Variants in CYRIB observed in about 807,000 individuals in gnomAD.
The protein encoded by CYRIB is CYFIP-related Rac1 interactor B.
Under a neutral mutation model 44.2 loss-of-function variants are expected in CYRIB, and 8 were observed. The observed-to-expected ratio is 0.18, with a 90% CI of 0.11 to 0.33. The LOEUF (loss-of-function observed/expected upper bound fraction) is 0.33, where lower values mean the gene tolerates loss of function less well. Among genes scored for constraint, CYRIB ranks in the 10% least tolerant of loss-of-function variants. The probability of loss-of-function intolerance (pLI) is 1.00; values close to 1 mark genes in which losing one functional copy is unlikely to be tolerated. For synonymous variants in CYRIB, 131 were observed against 127.2 expected (o/e 1.03, Z -0.20); for missense variants, 185 against 382.8 (o/e 0.48, Z 4.31).
intron 2 of CYRIB, among the ~76,000 whole-genome samples, chr8:129,967,350 GGTTTTGTTTT>G (rs371763669): frequency 1.3e-5 from 2 of 151,148 alleles, no homozygotes; most frequent in Admixed American, 6.6e-5. Flanking sequence ...TCTTTTCTTT[GGTTTTGTTTT>G]GTTTTGTTTT....
At chr8:130,006,482 T>C (rs1042449339) in intron 1 of CYRIB, among the ~76,000 whole-genome samples, 5 of 140,100 alleles carry the variant, frequency 3.6e-5, no homozygotes, top group African/African-American at 5.3e-5. Context: ...TAAAATAAAA[T>C]ATATATATAT....
chr8:129,971,709 A>C (rs1399440196), intron 1 of CYRIB, among the ~76,000 whole-genome samples: 1 of 152,152 alleles, frequency 6.6e-6, no homozygotes, highest in Non-Finnish European at 1.5e-5. Context: ...TGCTCAGTTC[A>C]ACTTGAGTTT....
Position 129,866,541 on chromosome 8 carries a change from T to C in CYRIB, c.196-4207A>G, listed in dbSNP as rs192870017. On this transcript the variant is annotated intron_variant, in intron 4 of 11. Transcript: ENST00000519824. The stretch of plus-strand genomic sequence containing the variant: ...TTAAATCACACATTTTGACTGTATA[T>C]AGAGATTGTTCAACTAAAGGAATAA... Among the ~76,000 whole-genome samples, 62 of 152,028 alleles carry C rather than the reference T, an allele frequency of 4.1e-4. 1 individual carries two copies. The highest frequency in any genetic ancestry group is 1.3e-3 in the African/African-American group (56 of 41,514).
chr8:129,957,137 C>T (rs900221857), intron 2 of CYRIB, among the ~76,000 whole-genome samples: 3 of 152,194 alleles, frequency 2.0e-5, no homozygotes, highest in East Asian at 1.9e-4. Flanking sequence ...GCTGAGATTA[C>T]AGGCATGAGC....
At chr8:129,990,049 G>C (rs868291771) in intron 1 of CYRIB, among the ~76,000 whole-genome samples, 3 of 151,838 alleles carry the variant, frequency 2.0e-5, no homozygotes, top group Non-Finnish European at 4.4e-5. Flanking sequence ...TTGACTTTCC[G>C]AGGCAGTAAG....
chr8:129,869,406 C>CAAAAAAAAAAAAAAAAAA (rs1180474047), intron 4 of CYRIB, among the ~76,000 whole-genome samples: 2 of 128,410 alleles, frequency 1.6e-5, no homozygotes. Flanking sequence ...AAAAAAAAAT[C>CAAAAAAAAAAAAAAAAAA]AAACAGGTAA....
chr8:130,010,247 G>A (rs2097188330), intron 1 of CYRIB, among the ~76,000 whole-genome samples: 1 of 152,182 alleles, frequency 6.6e-6, no homozygotes, highest in Non-Finnish European at 1.5e-5. Context: ...AAGGGCAGAG[G>A]TACATTTTGA....
In CYRIB at chr8:129,849,469, A is replaced by C; in HGVS notation, c.714-100T>G. ...AACCTCTTCTGAAATATTTTATTCA[A>C]ATTTCTATCCATTAGTTGAATGCAG... On this transcript the variant is annotated intron_variant, in intron 9 of 11. Transcript: ENST00000519824. 3 of 1,202,860 alleles carry C rather than the reference A, an allele frequency of 2.5e-6. No individual in the cohort carries two copies. In the South Asian group the frequency reaches 5.0e-5, roughly 20 times the overall value. The allele number at this position is 1,202,860 out of a possible 1,614,324, so 74.5% of individuals were successfully genotyped here.
chr8:129,897,868 T>G (rs6988772), intron 2 of CYRIB, among the ~76,000 whole-genome samples: 7,610 of 151,964 alleles, frequency 0.05, 353 homozygotes, highest in African/African-American at 0.12. Context: ...TGGGTTCAAG[T>G]GATTCTCCTG....
chr8:129,931,589 C>T (rs1264502358), intron 1 of CYRIB, among the ~76,000 whole-genome samples: 1 of 152,094 alleles, frequency 6.6e-6, no homozygotes, highest in African/African-American at 2.4e-5. Context: ...AAATGAACAG[C>T]ACCAATAATA....
At chr8:129,941,119 T>A (rs1005599732), upstream of CYRIB, among the ~76,000 whole-genome samples, 3 of 151,926 alleles carry the variant, frequency 2.0e-5, no homozygotes, top group African/African-American at 7.3e-5. Flanking sequence ...ACGTGTTGAG[T>A]CATGGAGAGA....
chr8:130,004,504 T>C (rs2096988264), intron 1 of CYRIB: 1 of 152,202 alleles, frequency 6.6e-6, no homozygotes, highest in Non-Finnish European at 1.5e-5. Context: ...ATTTTGCCTA[T>C]TGTATTTATT....
chr8:129,858,146 G>C (rs2047195416), intron 5 of CYRIB, among the ~76,000 whole-genome samples: 1 of 152,220 alleles, frequency 6.6e-6, no homozygotes. Context: ...AGCCTACAAT[G>C]CTCTGTCTCA....
intron 5 of CYRIB, among the ~76,000 whole-genome samples, chr8:129,856,392 C>A (rs2046233529): frequency 6.6e-6 from 1 of 152,036 alleles, no homozygotes; most frequent in African/African-American, 2.4e-5. Context: ...CTAATAAATA[C>A]CATGTTTGAT....
intron 1 of CYRIB, among the ~76,000 whole-genome samples, chr8:130,005,594 T>C (rs2097037052): frequency 6.6e-6 from 1 of 152,116 alleles, no homozygotes; most frequent in Non-Finnish European, 1.5e-5. Context: ...AGAGGTTACA[T>C]TGTGTGAGAT....
At chr8:129,973,540 C>T (rs558633618) in intron 1 of CYRIB, among the ~76,000 whole-genome samples, 57 of 152,356 alleles carry the variant, frequency 3.7e-4, no homozygotes, top group African/African-American at 1.2e-3. Context: ...AGCCTTTTCA[C>T]CAGCATGCTG....
intron 1 of CYRIB, among the ~76,000 whole-genome samples, chr8:129,917,681 A>AC (rs2081430815): frequency 6.6e-6 from 1 of 152,086 alleles, no homozygotes; most frequent in Non-Finnish European, 1.5e-5. Context: ...ACATGGTGAA[A>AC]CCCCATCTCT....
At chr8:129,994,542 G>A (rs916049875) in intron 1 of CYRIB, among the ~76,000 whole-genome samples, 3 of 152,156 alleles carry the variant, frequency 2.0e-5, no homozygotes, top group East Asian at 3.9e-4. Context: ...TTCAAGGCAC[G>A]GCATCAGGCT....
intron 1 of CYRIB, among the ~76,000 whole-genome samples, chr8:130,009,038 T>C (rs368547382): frequency 3.9e-5 from 6 of 152,262 alleles, no homozygotes; most frequent in African/African-American, 1.4e-4. Flanking sequence ...TATTCAGACA[T>C]CTTCTGACCT....
Sources: gnomAD v4.1 joint callset for allele counts (sites outside exome capture counted in the v4.1 genomes callset) on GRCh38, gnomAD v4.1.1 for gene constraint, MANE v1.5 for transcripts, NCBI Gene and HGNC (gene_info 2026-07-23, HGNC 2026-07-21) for gene names.